Variants in IL1RAPL1 observed in about 807,000 individuals in gnomAD.
The protein encoded by IL1RAPL1 is interleukin-1 receptor accessory protein-like 1.
IL1RAPL1 carries 3 observed loss-of-function variants against 48.4 expected under a neutral mutation model. The observed-to-expected ratio is 0.06, with a 90% CI of 0.03 to 0.16. IL1RAPL1 has a LOEUF of 0.16. IL1RAPL1 is among the 10% of genes least tolerant of loss of function. IL1RAPL1 has a pLI of 1.00. For synonymous variants in IL1RAPL1, 185 were observed against 187.7 expected (o/e 0.99, Z 0.12); for missense variants, 349 against 530.6 (o/e 0.66, Z 3.36).
intron 2 of IL1RAPL1, among the ~76,000 whole-genome samples, chrX:28,902,520 GT>G (rs1197369976): frequency 1.8e-5 from 2 of 111,908 alleles, no homozygotes; most frequent in Non-Finnish European, 3.8e-5. Flanking sequence ...ACCGATTTTT[GT>G]TGTGAGACAT....
chrX:29,748,461 T>A (rs765230410), intron 6 of IL1RAPL1, among the ~76,000 whole-genome samples: 11 of 112,893 alleles, frequency 9.7e-5, no homozygotes, highest in Admixed American at 8.4e-4. Context: ...AATTATAACA[T>A]CTAATCTTAA....
At chrX:28,745,021 A>C (rs1935957312) in intron 1 of IL1RAPL1, among the ~76,000 whole-genome samples, 1 of 111,627 alleles carries the variant, frequency 9.0e-6, no homozygotes, top group Non-Finnish European at 1.9e-5. Context: ...ACCCAACCAC[A>C]CTAAGAAACA....
intron 6 of IL1RAPL1, among the ~76,000 whole-genome samples, chrX:29,781,303 G>A: frequency 9.0e-6 from 1 of 111,703 alleles, no homozygotes; most frequent in South Asian, 3.8e-4. Flanking sequence ...CACAGAGAAG[G>A]GGCATCTTGT....
intron 1 of IL1RAPL1, among the ~76,000 whole-genome samples, chrX:28,629,121 A>G (rs938795880): frequency 2.7e-5 from 3 of 111,666 alleles, no homozygotes; most frequent in Non-Finnish European, 3.8e-5. Flanking sequence ...GATTTTGCCA[A>G]TGAGACAGAA....
chrX:28,904,994 CTT>C (rs1923180009), intron 2 of IL1RAPL1, among the ~76,000 whole-genome samples: 1 of 111,271 alleles, frequency 9.0e-6, no homozygotes, highest in Non-Finnish European at 1.9e-5. Flanking sequence ...TTATGATTCT[CTT>C]TTGATTTGCT....
At chrX:28,873,721 C>T (rs1199598788) in intron 2 of IL1RAPL1, among the ~76,000 whole-genome samples, 4 of 105,847 alleles carry the variant, frequency 3.8e-5, no homozygotes, top group Admixed American at 3.1e-4. Context: ...TTAGTAGAGA[C>T]GGGGTTTCAC....
chrX:29,473,281 A>G (rs1934940188), intron 5 of IL1RAPL1, among the ~76,000 whole-genome samples: 1 of 111,906 alleles, frequency 8.9e-6, no homozygotes, highest in South Asian at 3.7e-4. Context: ...GTACTCCAGC[A>G]TGACCTCATC....
chrX:29,906,180 A>G (rs1219663283), intron 6 of IL1RAPL1, among the ~76,000 whole-genome samples: 1 of 106,727 alleles, frequency 9.4e-6, no homozygotes, highest in Non-Finnish European at 1.9e-5. Flanking sequence ...ACTAAAATAC[A>G]AACAATCAGC....
At chrX:28,940,947 C>T (rs1351431122) in intron 2 of IL1RAPL1, among the ~76,000 whole-genome samples, 1 of 110,738 alleles carries the variant, frequency 9.0e-6, no homozygotes, top group Non-Finnish European at 1.9e-5. Context: ...ATTTTCCCCA[C>T]TCAGAAAAAA....
chrX:29,666,108 AT>A (rs1259878168), intron 5 of IL1RAPL1, among the ~76,000 whole-genome samples: 1 of 110,882 alleles, frequency 9.0e-6, no homozygotes, highest in Non-Finnish European at 1.9e-5. Flanking sequence ...AGTTATTAAT[AT>A]TTTTTATTAA....
chrX:29,796,906 G>T (rs762963262), intron 6 of IL1RAPL1, among the ~76,000 whole-genome samples: 39 of 112,326 alleles, frequency 3.5e-4, no homozygotes, highest in African/African-American at 1.2e-3. Flanking sequence ...AGGCTTAGGA[G>T]CTTTGCACTC....
chrX:28,626,176 T>C (rs1489896257), intron 1 of IL1RAPL1, among the ~76,000 whole-genome samples: 2 of 112,176 alleles, frequency 1.8e-5, no homozygotes, highest in Non-Finnish European at 3.8e-5. Context: ...TACACAGATA[T>C]CTCTTTTTGT....
rs974092849 is a variant in IL1RAPL1 at position 29,714,607 on chromosome X, T to C, written c.778+46103T>C. 2.7e-5 allele frequency among the ~76,000 whole-genome samples: 3 copies of C among 112,014 alleles called. No individual in the cohort carries two copies. In the South Asian group the frequency reaches 1.1e-3, roughly 41 times the overall value. On this transcript the variant is annotated intron_variant, in intron 6 of 10. Transcript: ENST00000378993. ...GAGACAGTCATGATCTGATGGTCTT[T>C]CTGATTTTGTTTCTCTCTAACCTTA...
intron 1 of IL1RAPL1, among the ~76,000 whole-genome samples, chrX:28,754,560 G>A (rs1354451750): frequency 1.8e-5 from 2 of 112,052 alleles, no homozygotes; most frequent in Non-Finnish European, 1.9e-5. Context: ...CCATGTCTAT[G>A]TTCACCTGCA....
chrX:29,782,983 C>T (rs1221720767), intron 6 of IL1RAPL1, among the ~76,000 whole-genome samples: 1 of 88,903 alleles, frequency 1.1e-5, no homozygotes, highest in Non-Finnish European at 2.1e-5. Flanking sequence ...CGGCTCACTG[C>T]AAGCTCCGCC....
intron 1 of IL1RAPL1, among the ~76,000 whole-genome samples, chrX:28,607,019 G>A (rs1420551393): frequency 2.7e-5 from 3 of 110,457 alleles, no homozygotes; most frequent in Non-Finnish European, 3.8e-5. Context: ...CTGAAAAATA[G>A]TTATAACGGA....
chrX:28,777,602 G>A (rs1936373902), intron 1 of IL1RAPL1, among the ~76,000 whole-genome samples: 1 of 111,701 alleles, frequency 9.0e-6, no homozygotes, highest in South Asian at 3.7e-4. Flanking sequence ...CAGTGGTCAT[G>A]TTCTCGCTGA....
intron 2 of IL1RAPL1, among the ~76,000 whole-genome samples, chrX:29,157,155 C>T (rs1425023583): frequency 9.0e-6 from 1 of 111,160 alleles, no homozygotes; most frequent in Non-Finnish European, 1.9e-5. Flanking sequence ...GTGATCCAGG[C>T]TCTAAAACTC....
chrX:29,748,002 T>C (rs984272108), intron 6 of IL1RAPL1, among the ~76,000 whole-genome samples: 1 of 112,111 alleles, frequency 8.9e-6, no homozygotes, highest in African/African-American at 3.2e-5. Context: ...AAGATATGAT[T>C]ACTAAAGACT....
Sources: allele counts gnomAD v4.1 joint callset (sites outside exome capture counted in the v4.1 genomes callset), GRCh38; gene constraint gnomAD v4.1.1; transcripts MANE v1.5; gene names NCBI Gene and HGNC (gene_info 2026-07-23, HGNC 2026-07-21).